The following LINC00305 variants were observed in gnomAD, a reference collection of about 807,000 sequenced individuals.
LINC00305 encodes the protein long intergenic non-protein coding RNA 305.
chr18:64,120,038 T>TC (rs2051354818), intron 1 of LINC00305, among the ~76,000 whole-genome samples: 1 of 152,134 alleles, frequency 6.6e-6, no homozygotes, highest in African/African-American at 2.4e-5. Flanking sequence ...TATTTTGATT[T>TC]CCTTCTCTCA....
chr18:64,140,885 C>G (rs912604139), intron 1 of LINC00305, among the ~76,000 whole-genome samples: 1 of 151,732 alleles, frequency 6.6e-6, no homozygotes, highest in Non-Finnish European at 1.5e-5. Flanking sequence ...GGAAGAAAGA[C>G]ACGGAGAGAT....
intron 3 of LINC00305, among the ~76,000 whole-genome samples, chr18:64,093,272 C>T (rs1331786303): frequency 6.6e-6 from 1 of 152,196 alleles, no homozygotes; most frequent in African/African-American, 2.4e-5. Context: ...TACCTGACAG[C>T]CAGTTAGTTC....
chr18:64,146,091 A>G (rs1339478461), intron 1 of LINC00305, among the ~76,000 whole-genome samples: 1 of 152,190 alleles, frequency 6.6e-6, no homozygotes, highest in African/African-American at 2.4e-5. Context: ...AAAGACAATT[A>G]TCTTTTTATT....
chr18:64,134,279 T>C (rs2051422914), intron 1 of LINC00305, among the ~76,000 whole-genome samples: 1 of 152,122 alleles, frequency 6.6e-6, no homozygotes. Flanking sequence ...GAATGTTATT[T>C]GGGGAGGGAA....
At chr18:64,089,924 T>C (rs1358422754) in intron 3 of LINC00305, among the ~76,000 whole-genome samples, 3 of 152,166 alleles carry the variant, frequency 2.0e-5, no homozygotes, top group Admixed American at 1.3e-4. Context: ...AGGTCCCTCT[T>C]ACAACCTGTG....
chr18:64,088,055 G>C (rs370804355), intron 3 of LINC00305, among the ~76,000 whole-genome samples: 1 of 152,006 alleles, frequency 6.6e-6, no homozygotes, highest in Non-Finnish European at 1.5e-5. Context: ...CCCGGGAGGC[G>C]GAGCTTGCCG....
chr18:64,092,064 A>C (rs1329030884), intron 3 of LINC00305, among the ~76,000 whole-genome samples: 1 of 152,228 alleles, frequency 6.6e-6, no homozygotes. Context: ...CCCTTAGGAA[A>C]CTTAAATATG....
intron 1 of LINC00305, among the ~76,000 whole-genome samples, chr18:64,139,027 T>C (rs1901925527): frequency 6.6e-6 from 1 of 152,200 alleles, no homozygotes; most frequent in African/African-American, 2.4e-5. Flanking sequence ...CAACTCCTCA[T>C]AATAGAACTT....
At chr18:64,138,862 C>T (rs1047201538) in intron 1 of LINC00305, among the ~76,000 whole-genome samples, 4 of 152,180 alleles carry the variant, frequency 2.6e-5, no homozygotes, top group Admixed American at 1.3e-4. Flanking sequence ...TAATGTTGGT[C>T]GTGCGCCTGG....
In LINC00305 at chr18:64,136,953, A is replaced by T. The variant is rs796882892; in HGVS notation, n.314+11822T>A. ...TGGTGCTCACTTGATTTGCCATTGC[A>T]TTGGGTTGCATAGCGTCCACCTGCA... On this transcript the variant is annotated intron_variant and non_coding_transcript_variant, in intron 1 of 3. Transcript: ENST00000666468. Among the ~76,000 whole-genome samples the T allele has an allele frequency of 9.8e-5, 15 of 152,302 alleles. 1 individual carries two copies. The highest frequency in any genetic ancestry group is 3.4e-4 in the African/African-American group (14 of 41,572).
chr18:64,128,753 CT>C (rs1410228685), intron 1 of LINC00305, among the ~76,000 whole-genome samples: 1 of 152,074 alleles, frequency 6.6e-6, no homozygotes, highest in Non-Finnish European at 1.5e-5. Context: ...TGCATTCAGC[CT>C]CCTAAGTAAC....
chr18:64,097,105 AG>A (rs2051247932), intron 3 of LINC00305, among the ~76,000 whole-genome samples: 1 of 152,048 alleles, frequency 6.6e-6, no homozygotes, highest in Non-Finnish European at 1.5e-5. Flanking sequence ...GACTTTATAA[AG>A]TTATGTTAGT....
At chr18:64,083,035 C>A (rs1030284961) in intron 3 of LINC00305, among the ~76,000 whole-genome samples, 1 of 151,852 alleles carries the variant, frequency 6.6e-6, no homozygotes, top group African/African-American at 2.4e-5. Context: ...AAATTTTACT[C>A]CATTAAATTG....
intron 1 of LINC00305, among the ~76,000 whole-genome samples, chr18:64,108,592 T>C (rs987330266): frequency 1.3e-5 from 2 of 152,066 alleles, no homozygotes; most frequent in Non-Finnish European, 2.9e-5. Context: ...GATGAACAAA[T>C]GTGAGGTGAT....
At chr18:64,143,610 ATATGTACACATATGTATGTACACGTAT>A (rs2051478459) in intron 1 of LINC00305, among the ~76,000 whole-genome samples, 3 of 111,574 alleles carry the variant, frequency 2.7e-5, no homozygotes, top group East Asian at 2.2e-4. Context: ...GTATATGTAC[ATATGTACACATATGTATGTACACGTAT>A]TATGTATACA....
intron 1 of LINC00305, among the ~76,000 whole-genome samples, chr18:64,138,679 T>C (rs868489354): frequency 6.6e-6 from 1 of 152,164 alleles, no homozygotes; most frequent in Non-Finnish European, 1.5e-5. Context: ...GGGGGCCTAT[T>C]TTTTATTCAG....
At chr18:64,104,759 G>A (rs1046305940) in intron 1 of LINC00305, among the ~76,000 whole-genome samples, 1 of 152,120 alleles carries the variant, frequency 6.6e-6, no homozygotes, top group Admixed American at 6.5e-5. Context: ...ACTTCCCCAG[G>A]ACAAACAAAA....
intron 3 of LINC00305, among the ~76,000 whole-genome samples, chr18:64,094,888 A>AAATAAATAAATAAATAAATAAATAAAT (rs1196743513): frequency 2.1e-5 from 2 of 97,156 alleles, no homozygotes. Context: ...AATAAATAAT[A>AAATAAATAAATAAATAAATAAATAAAT]AAATAAAATA....
chr18:64,143,821 A>G (rs1461365049), intron 1 of LINC00305, among the ~76,000 whole-genome samples: 1 of 150,888 alleles, frequency 6.6e-6, no homozygotes, highest in African/African-American at 2.5e-5. Flanking sequence ...ACATATATAC[A>G]CAGAGATAAT....
Sources: allele counts gnomAD v4.1 joint callset (sites outside exome capture counted in the v4.1 genomes callset), GRCh38; gene constraint gnomAD v4.1.1; transcripts MANE v1.5; gene names NCBI Gene and HGNC (gene_info 2026-07-23, HGNC 2026-07-21).